Variants in ZNF217 observed in about 807,000 individuals in gnomAD.
ZNF217 encodes zinc finger protein 217.
ZNF217 carries 12 observed loss-of-function variants against 73.3 expected under a neutral mutation model. That is an observed-to-expected ratio of 0.16 (90% CI 0.10 to 0.27). The LOEUF is 0.27. Among genes scored for constraint, ZNF217 ranks in the 10% least tolerant of loss-of-function variants. The probability of loss-of-function intolerance (pLI) is 1.00; values close to 1 mark genes in which losing one functional copy is unlikely to be tolerated. For missense variants in ZNF217, 1,195 were observed against 1,327.8 expected (o/e 0.90, Z 1.55); for synonymous variants, 588 against 516.4 (o/e 1.14, Z -1.88).
intron 2 of ZNF217, 63 bp from the exon 3 acceptor site, chr20:53,578,513 T>TG: frequency 1.0e-6 from 1 of 953,496 alleles, no homozygotes; most frequent in Non-Finnish European, 1.6e-6. Flanking sequence ...TAAGGCATGC[T>TG]GACTTAAATA....
chr20:53,576,064 G>C lies in ZNF217; in HGVS notation c.2700C>G (p.Phe900Leu), dbSNP rs1293523074. 2 of 1,614,228 alleles carry C rather than the reference G, an allele frequency of 1.2e-6. No individual in the cohort carries two copies. The highest frequency in any genetic ancestry group is 1.1e-5 in the South Asian group (1 of 91,088). ...CAGTATTGCTGGCACTCCGATTACA[G>C]AAATAGTCTCTTCCCGGAGGTGCCC... ...SPWAPPGRDYFCNRSASNTAA... is the reference protein window; with the variant it reads ...SPWAPPGRDYLCNRSASNTAA... The change falls in exon 4 of 6, where the codon TTC becomes TTG. Residue 900 changes from phenylalanine to leucine, a missense_variant. Coordinates refer to ENST00000371471, the MANE Select transcript of ZNF217 (RefSeq NM_006526.3).
chr20:53,582,329 C>T lies in ZNF217; in HGVS notation c.498G>A (p.Lys166=), dbSNP rs771700033. Residue 166 remains lysine, a synonymous_variant, in exon 2 of 6, where the codon AAG becomes AAA. Transcript: ENST00000371471. This position sits in a 1 kb window ranked among gnomAD's most constrained non-coding sequence, Gnocchi z 4.8. ...YGCNMCGRRF[K]EPWFLKNHMR... ...TGTGATTTTTAAGAAACCAAGGCTC[C>T]TTGAATCTTCTTCCGCACATGTTAC... 6 of 1,607,986 alleles carry T rather than the reference C, an allele frequency of 3.7e-6. No individual in the cohort carries two copies. The highest frequency in any genetic ancestry group is 1.7e-5 in the Admixed American group (1 of 59,736).
In ZNF217 at chr20:53,577,061, G is replaced by T; in HGVS notation, c.1703C>A (p.Thr568Lys). 1.1e-5 allele frequency: 17 copies of T among 1,614,234 alleles called. No homozygotes were observed. Among genetic ancestry groups the T allele is most frequent in the Non-Finnish European group, 1.4e-5 (17 of 1,180,050 alleles). ...AAGCTGCTTTGCAGGTGGACTGCCTGTAACATCTTTGGCACCATCAAAAAA... is the reference window on the plus strand; with the variant it reads ...AAGCTGCTTTGCAGGTGGACTGCCTTTAACATCTTTGGCACCATCAAAAAA... ...KRFFDGAKDVTGSPPAKQLKE... is the reference protein window; with the variant it reads ...KRFFDGAKDVKGSPPAKQLKE... Residue 568 changes from threonine to lysine, a missense_variant, in exon 4 of 6, where the codon ACA becomes AAA. This residue lies in a region of ZNF217 where 649 missense variants were observed against 642.8 expected (regional missense o/e 1.01). Coordinates refer to ENST00000371471, the MANE Select transcript of ZNF217 (RefSeq NM_006526.3).
At chr20:53,592,488 G>A (rs539289829) in intron 1 of ZNF217, among the ~76,000 whole-genome samples, 66 of 152,020 alleles carry the variant, frequency 4.3e-4, no homozygotes, top group Non-Finnish European at 2.5e-4. Context: ...ACTAAACCTG[G>A]CGGAAAACTC....
At chr20:53,571,434 G>A (rs1189730445) in intron 5 of ZNF217, among the ~76,000 whole-genome samples, 11 of 115,332 alleles carry the variant, frequency 9.5e-5, no homozygotes, top group East Asian at 2.5e-4. Flanking sequence ...ACTGAGTCTC[G>A]CTCTGTCACC....
upstream of ZNF217, among the ~76,000 whole-genome samples, chr20:53,594,780 C>T (rs1468590757): frequency 1.3e-5 from 2 of 152,180 alleles, no homozygotes; most frequent in East Asian, 1.9e-4. Flanking sequence ...CAAACAAAAA[C>T]CTTAACGCCG....
rs1210333916 is a variant in ZNF217 at position 53,568,112 on chromosome 20, C to T, written c.*1176G>A. On this transcript the variant is annotated 3_prime_UTR_variant, in exon 6 of 6. Coordinates refer to ENST00000371471, the MANE Select transcript of ZNF217 (RefSeq NM_006526.3). ...AAAACAACCAAAAATGGGAAAATAA[C>T]TGAGGTCTAGAAACAGATTTTCTCT... 1 of 152,214 alleles carries T rather than the reference C, an allele frequency of 6.6e-6. No individual in the cohort carries two copies. The highest frequency in any genetic ancestry group is 1.5e-5 in the Non-Finnish European group (1 of 68,030). The allele number at this position is 152,214 out of a possible 1,614,324, so 9.4% of individuals were successfully genotyped here.
upstream of ZNF217, among the ~76,000 whole-genome samples, chr20:53,595,530 G>A (rs184829179): frequency 1.2e-4 from 18 of 152,316 alleles, no homozygotes; most frequent in East Asian, 3.5e-3. Flanking sequence ...GTCATGTTTT[G>A]CTGTCATTTT....
chr20:53,574,848 G>C, intron 4 of ZNF217: 1 of 151,698 alleles, frequency 6.6e-6, no homozygotes, highest in East Asian at 1.9e-4. Context: ...AACTCCAGGT[G>C]GATTGGCACT....
In ZNF217 at chr20:53,576,373, A is replaced by T. The variant is rs759054438; in HGVS notation, c.2391T>A (p.Pro797=). ...AAGTCAGAGGGGCCTTGCCTGGCCC[A>T]GGAGGGCTCTGCTTCCCCTTCGCAG... ...LPSAKGKQSP[P]GPGKAPLTSG... is the part of the protein sequence containing the mutation. The change falls in exon 4 of 6, where the codon CCT becomes CCA. Residue 797 remains proline (P), a synonymous_variant. Transcript: ENST00000371471. The T allele has an allele frequency of 6.2e-7, 1 of 1,614,244 alleles. No homozygotes were observed. The highest frequency in any genetic ancestry group is 8.5e-7 in the Non-Finnish European group (1 of 1,180,048).
intron 2 of ZNF217, among the ~76,000 whole-genome samples, chr20:53,580,454 A>G (rs1201032913): frequency 6.6e-6 from 1 of 152,178 alleles, no homozygotes; most frequent in East Asian, 1.9e-4. Flanking sequence ...GGTCTTTTCA[A>G]CTGTTTTAAG....
intron 2 of ZNF217, among the ~76,000 whole-genome samples, chr20:53,579,530 A>C (rs1048258971): frequency 1.3e-5 from 2 of 152,168 alleles, no homozygotes; most frequent in African/African-American, 4.8e-5. Context: ...AATCATACCC[A>C]AACTAGCTGG....
chr20:53,594,227 G>A (rs989781793), upstream of ZNF217, among the ~76,000 whole-genome samples: 1 of 151,802 alleles, frequency 6.6e-6, no homozygotes, highest in African/African-American at 2.4e-5. Context: ...CCGCCGGGGC[G>A]CGGCGCGTCC....
At chr20:53,588,548 A>C (rs1187584388) in intron 1 of ZNF217, among the ~76,000 whole-genome samples, 4 of 151,510 alleles carry the variant, frequency 2.6e-5, no homozygotes, top group Non-Finnish European at 4.4e-5. Context: ...TACCTGCACT[A>C]ACTCTCTGTA....
Position 53,582,872 on chromosome 20 carries a change from C to T in ZNF217, c.-46G>A. On this transcript the variant is annotated 5_prime_UTR_variant, in exon 2 of 6. Coordinates refer to ENST00000371471, the MANE Select transcript of ZNF217 (RefSeq NM_006526.3). The surrounding 1 kb of genome is among the most constrained non-coding windows in gnomAD (Gnocchi z 4.8). ...GGCAATTTCTGGAGTTGGAATAAGG[C>T]CACTTGTAAGACTTGTCACTCACCC... is the stretch of plus-strand genomic sequence containing the variant. 2 of 1,553,038 alleles carry T rather than the reference C, an allele frequency of 1.3e-6. No individual in the cohort carries two copies. The highest frequency in any genetic ancestry group is 2.5e-5 in the South Asian group (2 of 80,352).
rs1309034139 is a variant in ZNF217, at chr20:53,575,804, T to C, written c.2960A>G (p.Gln987Arg). 6.2e-7 allele frequency: 1 copy of C among 1,614,044 alleles called. No homozygotes were observed. Among genetic ancestry groups the C allele is most frequent in the Non-Finnish European group, 8.5e-7 (1 of 1,179,978 alleles). ...EVDSPNVLTV[Q>R]KPYGGSGPLY... is the part of the protein sequence containing the mutation. ...TGGCCCGGAGCCACCATAGGGCTTC[T>C]GAACAGTCAGCACATTTGGAGAATC... Residue 987 changes from glutamine to arginine, a missense_variant, in exon 4 of 6, where the codon CAG (glutamine) becomes CGG (arginine). Around this residue, in one of 9 missense-constraint regions of ZNF217, gnomAD observed 649 missense variants for 642.8 expected, o/e 1.01. Transcript: ENST00000371471.
At chr20:53,570,265 T>C (rs1987935831) in intron 5 of ZNF217, 1 of 152,702 alleles carries the variant, frequency 6.5e-6, no homozygotes, top group African/African-American at 2.4e-5. Flanking sequence ...TCTATTATCC[T>C]AAGCAGGAGA....
chr20:53,594,946 GCTATT>G (rs1053021956), upstream of ZNF217, among the ~76,000 whole-genome samples: 1 of 147,164 alleles, frequency 6.8e-6, no homozygotes, highest in Non-Finnish European at 1.5e-5. Context: ...CTGGGCTTGC[GCTATT>G]CTAACTTGAG....
chr20:53,578,280 T>TA, intron 3 of ZNF217, 54 bp downstream of exon 3: 1 of 1,263,644 alleles, frequency 7.9e-7, no homozygotes, highest in Non-Finnish European at 1.1e-6. Context: ...ACAAAAAAAT[T>TA]AGATAACTAC....
Sources: allele counts gnomAD v4.1 joint callset (sites outside exome capture counted in the v4.1 genomes callset), GRCh38; gene constraint gnomAD v4.1.1; regional missense constraint gnomAD v4.1.1; non-coding constraint Gnocchi (gnomAD v3.1); transcripts MANE v1.5; gene names NCBI Gene and HGNC (gene_info 2026-07-23, HGNC 2026-07-21).